Variants in SLC25A21 observed in about 807,000 individuals in gnomAD.
SLC25A21 encodes mitochondrial 2-oxodicarboxylate carrier.
SLC25A21 carries 47 observed loss-of-function variants against 43.8 expected under a neutral mutation model. That is an observed-to-expected ratio of 1.07 (90% CI 0.85 to 1.37). The LOEUF is 1.37. Among genes scored for constraint, SLC25A21 ranks in the 40% most tolerant of loss-of-function variants. The pLI, the probability that SLC25A21 is intolerant of heterozygous loss-of-function variation, is 0.00. For synonymous variants in SLC25A21, 131 were observed against 121.3 expected (o/e 1.08, Z -0.52); for missense variants, 352 against 350.2 (o/e 1.00, Z -0.04).
intron 1 of SLC25A21, among the ~76,000 whole-genome samples, chr14:37,116,383 A>G (rs1340445723): frequency 6.6e-6 from 1 of 152,200 alleles, no homozygotes; most frequent in Non-Finnish European, 1.5e-5. Context: ...AACACTTAAG[A>G]TACAATGGTA....
chr14:36,732,869 C>T (rs1003541548), intron 4 of SLC25A21, among the ~76,000 whole-genome samples: 4 of 152,172 alleles, frequency 2.6e-5, no homozygotes, highest in African/African-American at 9.7e-5. Context: ...AAAAAGCCAA[C>T]AAACTTACCA....
chr14:36,761,588 C>G (rs1280659258), intron 3 of SLC25A21, among the ~76,000 whole-genome samples: 5 of 152,214 alleles, frequency 3.3e-5, no homozygotes, highest in Non-Finnish European at 5.9e-5. Context: ...AGCCAGTAAT[C>G]TTAACTGGAG....
chr14:36,950,424 A>T (rs1041369525), intron 1 of SLC25A21, among the ~76,000 whole-genome samples: 4 of 152,186 alleles, frequency 2.6e-5, no homozygotes, highest in South Asian at 2.1e-4. Context: ...AATACCGAAG[A>T]TATATTTCTT....
At chr14:36,766,890 C>T (rs1054268259) in intron 3 of SLC25A21, among the ~76,000 whole-genome samples, 5 of 152,190 alleles carry the variant, frequency 3.3e-5, no homozygotes, top group Non-Finnish European at 5.9e-5. Flanking sequence ...GCGCATAATG[C>T]ATTCAGCACA....
intron 1 of SLC25A21, among the ~76,000 whole-genome samples, chr14:36,902,506 C>A (rs1417017988): frequency 1.3e-5 from 2 of 152,108 alleles, no homozygotes; most frequent in African/African-American, 4.8e-5. Flanking sequence ...TCAAGTTTCA[C>A]AAATCACATA....
intron 1 of SLC25A21, among the ~76,000 whole-genome samples, chr14:37,075,390 T>C (rs1273424911): frequency 1.3e-5 from 2 of 152,176 alleles, no homozygotes; most frequent in African/African-American, 2.4e-5. Flanking sequence ...CCTTTGAAAC[T>C]TCATATTGAT....
intron 3 of SLC25A21, among the ~76,000 whole-genome samples, chr14:36,740,214 C>G (rs1265607625): frequency 6.6e-6 from 1 of 152,214 alleles, no homozygotes; most frequent in Admixed American, 6.5e-5. Flanking sequence ...GCTGTGAGAA[C>G]TATTGTTAAG....
intron 1 of SLC25A21, among the ~76,000 whole-genome samples, chr14:37,068,067 T>C (rs1351367630): frequency 2.0e-5 from 3 of 152,210 alleles, no homozygotes; most frequent in Non-Finnish European, 4.4e-5. Flanking sequence ...TACTATCTGG[T>C]TCTTTACAGG....
intron 1 of SLC25A21, among the ~76,000 whole-genome samples, chr14:36,896,631 C>A (rs1891247434): frequency 6.6e-6 from 1 of 152,144 alleles, no homozygotes; most frequent in East Asian, 1.9e-4. Context: ...TTCTTCCTAG[C>A]CTTGATGGTC....
intron 3 of SLC25A21, among the ~76,000 whole-genome samples, chr14:36,797,376 T>A (rs1887711818): frequency 6.6e-6 from 1 of 152,164 alleles, no homozygotes; most frequent in Non-Finnish European, 1.5e-5. Context: ...AAAAGGCTCC[T>A]TAAGACTCCT....
At chr14:36,764,192 G>GAGAA (rs1555326647) in intron 3 of SLC25A21, among the ~76,000 whole-genome samples, 1 of 55,282 alleles carries the variant, frequency 1.8e-5, no homozygotes. Context: ...AAGAAAGAAA[G>GAGAA]AGAAAGAAAG....
chr14:36,873,243 T>C (rs1291131899), intron 2 of SLC25A21, among the ~76,000 whole-genome samples: 1 of 152,114 alleles, frequency 6.6e-6, no homozygotes, highest in Non-Finnish European at 1.5e-5. Flanking sequence ...GGGGTGCGCA[T>C]ACCTTACATT....
intron 1 of SLC25A21, among the ~76,000 whole-genome samples, chr14:37,127,318 C>T (rs1963314231): frequency 6.6e-6 from 1 of 152,168 alleles, no homozygotes; most frequent in African/African-American, 2.4e-5. Context: ...GGATGTCTCA[C>T]TCCAAACACC....
At chr14:37,115,198 G>C (rs187795802) in intron 1 of SLC25A21, among the ~76,000 whole-genome samples, 32 of 152,274 alleles carry the variant, frequency 2.1e-4, no homozygotes, top group African/African-American at 7.0e-4. Flanking sequence ...GCTAAGAAAG[G>C]TGGCTCTTTA....
chr14:37,144,449 G>C (rs1355047372), intron 1 of SLC25A21, among the ~76,000 whole-genome samples: 2 of 152,184 alleles, frequency 1.3e-5, no homozygotes, highest in African/African-American at 4.8e-5. Context: ...TTATTTGATA[G>C]AGTGACTACT....
chr14:36,738,580 A>G (rs7154045), intron 3 of SLC25A21, among the ~76,000 whole-genome samples: 41,925 of 152,174 alleles, frequency 0.28, 5,956 homozygotes, highest in Admixed American at 0.39. Flanking sequence ...TCTCTCCGAC[A>G]TGACGGCAAA....
chr14:36,945,155 G>T (rs1267140788), intron 1 of SLC25A21, among the ~76,000 whole-genome samples: 1 of 152,132 alleles, frequency 6.6e-6, no homozygotes, highest in Non-Finnish European at 1.5e-5. Flanking sequence ...CAGTCCATCA[G>T]CAAAATGTCC....
intron 3 of SLC25A21, among the ~76,000 whole-genome samples, chr14:36,740,519 T>C (rs148179356): frequency 6.6e-6 from 1 of 152,158 alleles, no homozygotes; most frequent in Non-Finnish European, 1.5e-5. Context: ...AAAATGAAGA[T>C]CAAAAACTAC....
intron 1 of SLC25A21, among the ~76,000 whole-genome samples, chr14:37,009,789 GTATTAA>G (rs1164874261): frequency 6.6e-6 from 1 of 152,148 alleles, no homozygotes. Flanking sequence ...ACTAGTTCAG[GTATTAA>G]TGTTCACCAT....
Sources: gnomAD v4.1 joint callset for allele counts (sites outside exome capture counted in the v4.1 genomes callset) on GRCh38, gnomAD v4.1.1 for gene constraint, MANE v1.5 for transcripts, NCBI Gene and HGNC (gene_info 2026-07-23, HGNC 2026-07-21) for gene names.